The following KCNIP4 variants were observed in gnomAD, a reference collection of about 807,000 sequenced individuals.
KCNIP4 encodes the protein potassium voltage-gated channel interacting protein 4, also known as Kv channel-interacting protein 4.
In KCNIP4, 12 loss-of-function variants were observed where a neutral mutation model predicts 34.0. That is an observed-to-expected ratio of 0.35 (90% CI 0.23 to 0.57). KCNIP4 has a LOEUF of 0.57. Among genes scored for constraint, KCNIP4 ranks in the 20% least tolerant of loss-of-function variants. KCNIP4 has a pLI of 0.83. For missense variants in KCNIP4, 238 were observed against 311.7 expected (o/e 0.76, Z 1.78); for synonymous variants, 124 against 102.2 (o/e 1.21, Z -1.29).
chr4:21,289,489 T>A (rs142983275), intron 1 of KCNIP4, among the ~76,000 whole-genome samples: 1 of 152,284 alleles, frequency 6.6e-6, no homozygotes, highest in African/African-American at 2.4e-5. Context: ...TCAATTTGAA[T>A]TAAAAGTGAA....
chr4:20,741,192 A>G (rs947190516), intron 5 of KCNIP4, among the ~76,000 whole-genome samples: 4 of 152,204 alleles, frequency 2.6e-5, no homozygotes, highest in African/African-American at 9.7e-5. Context: ...GATATCCAGG[A>G]CTTGAACTCA....
In KCNIP4 at chr4:21,723,294, G is replaced by A. The variant is rs73115716; in HGVS notation, c.61+225277C>T. Among the ~76,000 whole-genome samples, 421 of 152,160 alleles carry A rather than the reference G, an allele frequency of 2.8e-3. 3 individuals carry two copies. Among genetic ancestry groups the A allele is most frequent in the African/African-American group, 9.8e-3 (406 of 41,534 alleles). Reference sequence around the variant, plus strand: ...GAAGACCCTCCTTTGAGTGGACAGGGTCCCCAGGACCCATATTAGAAAAGA... The same window carrying A: ...GAAGACCCTCCTTTGAGTGGACAGGATCCCCAGGACCCATATTAGAAAAGA... On this transcript the variant is annotated intron_variant, in intron 1 of 8. Coordinates refer to ENST00000382152, the MANE Select transcript of KCNIP4 (RefSeq NM_025221.6).
intron 3 of KCNIP4, among the ~76,000 whole-genome samples, chr4:20,834,891 T>C (rs1718858739): frequency 6.6e-6 from 1 of 152,166 alleles, no homozygotes; most frequent in African/African-American, 2.4e-5. Flanking sequence ...AGATATATAG[T>C]TGTCATTTAC....
intron 4 of KCNIP4, among the ~76,000 whole-genome samples, chr4:20,753,277 T>G (rs1210499249): frequency 6.6e-6 from 1 of 152,158 alleles, no homozygotes; most frequent in Non-Finnish European, 1.5e-5. Flanking sequence ...ATACCATCTC[T>G]TAGAAATCGA....
rs994979512 is a variant in KCNIP4 at position 21,659,341 on chromosome 4, T to G, written c.61+289230A>C. 3.3e-5 allele frequency among the ~76,000 whole-genome samples: 5 copies of G among 152,192 alleles called. No homozygotes were observed. In the East Asian group the frequency reaches 9.6e-4, roughly 29 times the overall value. ...AATTTTTAAAATCTTACTAAGAATCTCTCATCTCTTTATTCATACTCCTGG... is the reference window on the plus strand; with the variant it reads ...AATTTTTAAAATCTTACTAAGAATCGCTCATCTCTTTATTCATACTCCTGG... On this transcript the variant is annotated intron_variant, in intron 1 of 8. Transcript: ENST00000382152.
At chr4:21,633,359 C>A (rs1241639059) in intron 1 of KCNIP4, among the ~76,000 whole-genome samples, 1 of 152,046 alleles carries the variant, frequency 6.6e-6, no homozygotes, top group East Asian at 1.9e-4. Context: ...AAACCCAGTT[C>A]TAGTTGATGG....
At chr4:21,676,896 G>GT (rs1318171449) in intron 1 of KCNIP4, among the ~76,000 whole-genome samples, 3 of 151,474 alleles carry the variant, frequency 2.0e-5, no homozygotes, top group South Asian at 2.1e-4. Flanking sequence ...TGAAATAAAG[G>GT]TTTTTTAAAG....
intron 1 of KCNIP4, among the ~76,000 whole-genome samples, chr4:20,964,352 A>G (rs2149665462): frequency 6.6e-6 from 1 of 152,352 alleles, no homozygotes; most frequent in Middle Eastern, 3.4e-3. Flanking sequence ...AGATTTTGAC[A>G]TGAAGTTAAA....
At chr4:21,381,337 C>A (rs890869125) in intron 1 of KCNIP4, among the ~76,000 whole-genome samples, 12 of 152,166 alleles carry the variant, frequency 7.9e-5, no homozygotes, top group Non-Finnish European at 1.6e-4. Flanking sequence ...CACAGCATTG[C>A]AGGCAGATAG....
At chr4:21,113,238 G>A (rs928721133) in intron 1 of KCNIP4, among the ~76,000 whole-genome samples, 1 of 152,132 alleles carries the variant, frequency 6.6e-6, no homozygotes, top group African/African-American at 2.4e-5. Context: ...CAAGAAACAA[G>A]TTCTTTCAAA....
intron 1 of KCNIP4, among the ~76,000 whole-genome samples, chr4:21,545,559 G>A (rs12645556): frequency 0.36 from 54,046 of 151,484 alleles, 9,883 homozygotes; most frequent in South Asian, 0.52. Context: ...CGACAGGCCC[G>A]GTGAGAGATA....
intron 1 of KCNIP4, among the ~76,000 whole-genome samples, chr4:20,978,216 A>G (rs148262223): frequency 6.6e-6 from 1 of 152,306 alleles, no homozygotes; most frequent in East Asian, 1.9e-4. Context: ...TCACTTTGCC[A>G]GGGGATTTTG....
chr4:21,128,540 C>T (rs569520437), intron 1 of KCNIP4, among the ~76,000 whole-genome samples: 1 of 152,274 alleles, frequency 6.6e-6, no homozygotes, highest in South Asian at 2.1e-4. Context: ...GATTATAAGG[C>T]ACCAAAAGTG....
intron 1 of KCNIP4, among the ~76,000 whole-genome samples, chr4:21,345,449 G>T (rs978095055): frequency 2.3e-4 from 35 of 152,138 alleles, no homozygotes; most frequent in African/African-American, 8.4e-4. Context: ...GAGGTGATTT[G>T]TTACATAGTA....
intron 1 of KCNIP4, among the ~76,000 whole-genome samples, chr4:20,969,873 A>G (rs1020793427): frequency 6.6e-6 from 1 of 152,136 alleles, no homozygotes; most frequent in Middle Eastern, 3.4e-3. Context: ...GTAATACAAT[A>G]TTATTAAGTT....
chr4:21,314,950 G>T (rs1560282625), intron 1 of KCNIP4, among the ~76,000 whole-genome samples: 2 of 152,110 alleles, frequency 1.3e-5, no homozygotes, highest in African/African-American at 4.8e-5. Context: ...CTGTTGCTCT[G>T]CTCTGGCTAT....
At chr4:21,525,749 G>T (rs1181214095) in intron 1 of KCNIP4, among the ~76,000 whole-genome samples, 1 of 152,058 alleles carries the variant, frequency 6.6e-6, no homozygotes, top group African/African-American at 2.4e-5. Flanking sequence ...ATTATTCTTT[G>T]CTTCTTAAGT....
chr4:21,575,943 A>T (rs1376483423), intron 1 of KCNIP4, among the ~76,000 whole-genome samples: 3 of 152,202 alleles, frequency 2.0e-5, no homozygotes, highest in Non-Finnish European at 4.4e-5. Context: ...GAGTCATCAG[A>T]TGGAAGGAGC....
rs545938039 is a variant in KCNIP4 at position 21,006,220 on chromosome 4, A to T, written c.62-123511T>A. On this transcript the variant is annotated intron_variant, in intron 1 of 8. Coordinates refer to ENST00000382152, the MANE Select transcript of KCNIP4 (RefSeq NM_025221.6). ...CTGCCCTTAAGAAACCTGCATGCAGAGGAGGAAATGGACACTAAAGAATAA... is the reference window on the plus strand; with the variant it reads ...CTGCCCTTAAGAAACCTGCATGCAGTGGAGGAAATGGACACTAAAGAATAA... Among the ~76,000 whole-genome samples the T allele has an allele frequency of 1.3e-4, 20 of 152,318 alleles. No homozygotes were observed. The East Asian group carries it at 3.7e-3, about 28-fold the overall frequency.
Sources: gnomAD v4.1 joint callset for allele counts (sites outside exome capture counted in the v4.1 genomes callset) on GRCh38, gnomAD v4.1.1 for gene constraint, MANE v1.5 for transcripts, NCBI Gene and HGNC (gene_info 2026-07-23, HGNC 2026-07-21) for gene names.